The following DGKE variants were observed in gnomAD, a reference collection of about 807,000 sequenced individuals.
DGKE encodes DAG kinase epsilon.
In DGKE, 53 loss-of-function variants were observed where a neutral mutation model predicts 70.0. That is an observed-to-expected ratio of 0.76 (90% CI 0.61 to 0.95). DGKE has a LOEUF of 0.95. Among genes scored for constraint, DGKE ranks in the 40% least tolerant of loss-of-function variants. DGKE has a pLI of 0.00. For missense variants in DGKE, 655 were observed against 706.9 expected, an observed-to-expected ratio of 0.93 and a Z score of 0.83; for synonymous variants, 291 against 257.0, an observed-to-expected ratio of 1.13 and a Z score of -1.27.
Position 56,847,948 on chromosome 17 carries a change from T to A in DGKE, c.771T>A (p.Pro257=), listed in dbSNP as rs762003340. 3 of 1,581,390 alleles carry A rather than the reference T, an allele frequency of 1.9e-6. No individual in the cohort carries two copies. The African/African-American group carries it at 4.1e-5, about 22-fold the overall frequency. The change falls in exon 5 of 12, where the codon CCT becomes CCA. Residue 257 remains proline, a synonymous_variant. Transcript: ENST00000284061. ...TTTTTGATGTAACTAAAACTCCTCC[T>A]ATCAAAGCCCTACAACTCTGTACTC... is the stretch of plus-strand genomic sequence containing the variant. ...VQVFDVTKTP[P]IKALQLCTLL...
In DGKE at chr17:56,845,718, C is replaced by T. The variant is rs1443240645; in HGVS notation, c.653C>T (p.Thr218Ile). The T allele has an allele frequency of 6.2e-7, 1 of 1,611,592 alleles. No individual in the cohort carries two copies. The highest frequency in any genetic ancestry group is 1.3e-5 in the African/African-American group (1 of 74,670). Residue 218 changes from threonine to isoleucine, a missense_variant, in exon 4 of 12, where the codon ACC (threonine) becomes ATC (isoleucine). Thr to Ile is a moderately conservative substitution (Grantham distance 89, BLOSUM62 -1). Coordinates refer to ENST00000284061, the MANE Select transcript of DGKE (RefSeq NM_003647.3). ...GCCTCTAAGCTTGGAAAGCAGTGGACCCCATTAATAATCCTGGCCAACTCT... is the reference window on the plus strand; with the variant it reads ...GCCTCTAAGCTTGGAAAGCAGTGGATCCCATTAATAATCCTGGCCAACTCT... ...VLASKLGKQW[T>I]PLIILANSRS...
intron 7 of DGKE, among the ~76,000 whole-genome samples, chr17:56,854,517 G>A (rs1380861029): frequency 1.3e-5 from 2 of 151,860 alleles, no homozygotes; most frequent in African/African-American, 4.8e-5. Flanking sequence ...ATTTTTCTGT[G>A]TTGCCCGGGC....
At chr17:56,834,700 T>G (rs1037005097) in intron 1 of DGKE, 78 bp from the exon 2 acceptor site, 60 of 1,380,718 alleles carry the variant, frequency 4.3e-5, no homozygotes, top group Middle Eastern at 5.3e-4. Context: ...GGCGCCCGGT[T>G]TGGCCCCGGA....
chr17:56,844,297 T>TA, intron 3 of DGKE, 119 bp downstream of exon 3: 1 of 645,938 alleles, frequency 1.5e-6, no homozygotes, highest in Non-Finnish European at 2.3e-6. Flanking sequence ...TAAACTTAAA[T>TA]AACAGATCAA....
At chr17:56,861,218 GT>G (rs1263808532) in intron 9 of DGKE, among the ~76,000 whole-genome samples, 2 of 152,074 alleles carry the variant, frequency 1.3e-5, no homozygotes, top group Non-Finnish European at 2.9e-5. Flanking sequence ...TTGGGGGTGA[GT>G]TAACCTACTT....
chr17:56,837,217 T>C (rs1906684240), intron 2 of DGKE, among the ~76,000 whole-genome samples: 1 of 152,194 alleles, frequency 6.6e-6, no homozygotes, highest in African/African-American at 2.4e-5. Flanking sequence ...TTTTTTTGTT[T>C]TTTTTTTCTG....
chr17:56,839,536 A>G (rs550123019), intron 2 of DGKE, among the ~76,000 whole-genome samples: 54 of 152,166 alleles, frequency 3.5e-4, no homozygotes, highest in Non-Finnish European at 6.8e-4. Context: ...TTGTTTTTTG[A>G]GACAGGGTCT....
chr17:56,848,687 A>G lies in DGKE; in HGVS notation c.889-9A>G, dbSNP rs1382051779. ...GAGAAAAATCTAAAACATATCTTCCATATTCTAGGGACAAGAAAAGTACAT... is the reference window on the plus strand; with the variant it reads ...GAGAAAAATCTAAAACATATCTTCCGTATTCTAGGGACAAGAAAAGTACAT... On this transcript the variant is annotated splice_polypyrimidine_tract_variant and intron_variant, in intron 5 of 11. Transcript: ENST00000284061. 3.7e-6 allele frequency: 6 copies of G among 1,612,414 alleles called. No individual in the cohort carries two copies. Among genetic ancestry groups the G allele is most frequent in the Non-Finnish European group, 4.2e-6 (5 of 1,179,208 alleles).
chr17:56,835,334 C>T (rs775618307), intron 2 of DGKE, 75 bp downstream of exon 2: 17 of 1,405,826 alleles, frequency 1.2e-5, no homozygotes, highest in Non-Finnish European at 1.6e-5. Context: ...GTGTAGAGGC[C>T]TGCTTTAATC....
chr17:56,849,383 C>A (rs187896201), intron 7 of DGKE, 151 bp downstream of exon 7: 22 of 648,502 alleles, frequency 3.4e-5, no homozygotes, highest in Middle Eastern at 2.7e-4. Flanking sequence ...ACAAGCTGGA[C>A]TGTAAATGTG....
chr17:56,859,813 GAACTGATAAAATA>G (rs1044093121), intron 9 of DGKE, among the ~76,000 whole-genome samples: 1 of 152,100 alleles, frequency 6.6e-6, no homozygotes, highest in African/African-American at 2.4e-5. Flanking sequence ...GAGAAACCTA[GAACTGATAAAATA>G]AATAAAAAGA....
In DGKE at chr17:56,865,403, G is replaced by A. The variant is rs940199863; in HGVS notation, c.*2612G>A. On this transcript the variant is annotated 3_prime_UTR_variant, in exon 12 of 12. Coordinates refer to ENST00000284061, the MANE Select transcript of DGKE (RefSeq NM_003647.3). ...CAATACATTCCTAATTCCTATAAAC[G>A]TAGTGGCTTAAATACTGAATACCTG... 5.9e-5 allele frequency: 9 copies of A among 152,026 alleles called. No individual in the cohort carries two copies. The highest frequency in any genetic ancestry group is 3.4e-3 in the Middle Eastern group (1 of 292). The allele number at this position is 152,026 out of a possible 1,614,324, so 9.4% of individuals were successfully genotyped here.
At chr17:56,849,896 A>G (rs1435083657) in intron 7 of DGKE, among the ~76,000 whole-genome samples, 2 of 152,226 alleles carry the variant, frequency 1.3e-5, no homozygotes, top group Non-Finnish European at 2.9e-5. Flanking sequence ...TTGCTCAGGA[A>G]TAAAGACAGA....
In DGKE at chr17:56,864,679, C is replaced by T. The variant is rs1908460766; in HGVS notation, c.*1888C>T. On this transcript the variant is annotated 3_prime_UTR_variant, in exon 12 of 12. Transcript: ENST00000284061. ...ATGATCAAAATTGTTAAAGACATCA[C>T]ATTTTATAAATACACTGTTAAATCC... The T allele has an allele frequency of 6.6e-6, 1 of 151,170 alleles. No homozygotes were observed. Among genetic ancestry groups the T allele is most frequent in the Admixed American group, 6.6e-5 (1 of 15,160 alleles). The allele number at this position is 151,170 out of a possible 1,614,324, so 9.4% of individuals were successfully genotyped here.
At position 56,864,156 on chromosome 17, in the gene DGKE, G is replaced by C. The variant is rs865887068; in HGVS notation, c.*1365G>C. The C allele has an allele frequency of 6.6e-6, 1 of 152,152 alleles. No homozygotes were observed. The highest frequency in any genetic ancestry group is 1.9e-4 in the East Asian group (1 of 5,192). The allele number at this position is 152,152 out of a possible 1,614,324, so 9.4% of individuals were successfully genotyped here. A position where few individuals can be genotyped will look rare whatever the true frequency, so the allele number is the denominator to read the frequency against. ...GGTTCCCATTAGAGGGTGCTTGTTC[G>C]CTGCTGTTGACCAGCCCAAGGGTCG... is the stretch of plus-strand genomic sequence containing the variant. On this transcript the variant is annotated 3_prime_UTR_variant, in exon 12 of 12. Transcript: ENST00000284061.
rs1469517912 is a variant in DGKE at position 56,861,264 on chromosome 17, A to G, written c.1285-527A>G. 4.6e-5 allele frequency among the ~76,000 whole-genome samples: 4 copies of G among 86,402 alleles called. No homozygotes were observed. In the Middle Eastern group the frequency reaches 0.02, roughly 432 times the overall value. 56.7% of individuals were successfully genotyped at this position (86,402 alleles called of 152,430 possible). On this transcript the variant is annotated intron_variant, in intron 9 of 11. Transcript: ENST00000284061. ...AGAGTAAGTAAGAGTTAGCTAAGAG[A>G]AGGAGGAGGGGAAGATGTTACTCTT... is the stretch of plus-strand genomic sequence containing the variant.
chr17:56,850,803 C>G (rs753026931), intron 7 of DGKE, among the ~76,000 whole-genome samples: 2 of 152,058 alleles, frequency 1.3e-5, no homozygotes, highest in African/African-American at 2.4e-5. Flanking sequence ...TGCAGAAAAC[C>G]AAGAAAGAAA....
At position 56,859,002 on chromosome 17, in the gene DGKE, G is replaced by T. The variant is rs1191265933; in HGVS notation, c.1284+337G>T. Among the ~76,000 whole-genome samples the T allele has an allele frequency of 2.0e-5, 3 of 152,092 alleles. No homozygotes were observed. In the East Asian group the frequency reaches 5.8e-4, roughly 29 times the overall value. ...GTAAATCCAGTCTGTTTAACTATTA[G>T]GGTGAGTGGCCTCCATTCATACATG... On this transcript the variant is annotated intron_variant, in intron 9 of 11. Transcript: ENST00000284061.
rs768908823 is a variant in DGKE, at chr17:56,849,218, T to G, written c.1084T>G (p.Leu362Val). 1.9e-6 allele frequency: 3 copies of G among 1,610,068 alleles called. No homozygotes were observed. Among genetic ancestry groups the G allele is most frequent in the Non-Finnish European group, 2.5e-6 (3 of 1,178,968 alleles). Residue 362 changes from leucine (L) to valine (V), a missense_variant, in exon 7 of 12, where the codon TTA becomes GTA. Leu to Val is a conservative substitution (Grantham distance 32). Coordinates refer to ENST00000284061, the MANE Select transcript of DGKE (RefSeq NM_003647.3). Reference protein sequence around the residue: ...VQVTNKGYYNLRKPKEFTMNN... With the variant: ...VQVTNKGYYNVRKPKEFTMNN... ...AGTAACAAATAAAGGATACTACAAC[T>G]TAAGAAAACCCAAGGTATGTTGTTA...
Sources: allele counts gnomAD v4.1 joint callset (sites outside exome capture counted in the v4.1 genomes callset), GRCh38; gene constraint gnomAD v4.1.1; transcripts MANE v1.5; gene names NCBI Gene and HGNC (gene_info 2026-07-23, HGNC 2026-07-21).